The following ICE1 variants were observed in gnomAD, a reference collection of about 807,000 sequenced individuals.
ICE1 encodes interactor of little elongation complex ELL subunit 1.
In ICE1, 64 loss-of-function variants were observed where a neutral mutation model predicts 192.7. The ratio of observed to expected loss-of-function variants is 0.33; its 90% confidence interval spans 0.27 to 0.41. The LOEUF is 0.41. Ranked by LOEUF, ICE1 falls within the 10% of genes least tolerant of loss-of-function variation. The pLI is 1.00. For missense variants in ICE1, 2,708 were observed against 2,696.0 expected (o/e 1.00, Z -0.10); for synonymous variants, 1,010 against 984.5 (o/e 1.03, Z -0.49).
rs1411219498 is a variant in ICE1 at position 5,437,125 on chromosome 5, A to G, written c.178+11A>G. On this transcript the variant is annotated intron_variant, in intron 3 of 18. Transcript: ENST00000296564. The stretch of plus-strand genomic sequence containing the variant: ...AGAAGAAATGTGATGATATCCTTTT[A>G]CTGGCTTTTTCTGTTGAGTTTTGGA... 1 of 1,532,660 alleles carries G rather than the reference A, an allele frequency of 6.5e-7. No individual in the cohort carries two copies. The highest frequency in any genetic ancestry group is 2.4e-5 in the East Asian group (1 of 42,538). 94.9% of individuals were successfully genotyped at this position (1,532,660 alleles called of 1,614,324 possible). A position where few individuals can be genotyped will look rare whatever the true frequency, so the allele number is the denominator to read the frequency against.
At chr5:5,477,516 G>A (rs976624948) in intron 17 of ICE1, among the ~76,000 whole-genome samples, 3 of 152,134 alleles carry the variant, frequency 2.0e-5, no homozygotes, top group African/African-American at 7.2e-5. Context: ...AACCAAAAAA[G>A]CCCAGAACCA....
intron 17 of ICE1, among the ~76,000 whole-genome samples, chr5:5,480,575 A>T (rs1195883978): frequency 6.6e-6 from 1 of 152,196 alleles, no homozygotes; most frequent in Non-Finnish European, 1.5e-5. Flanking sequence ...ACTCACAGAT[A>T]GCATCATTTG....
At position 5,485,734 on chromosome 5, in the gene ICE1, T is replaced by C. The variant is rs571752904; in HGVS notation, c.6521-987T>C. ...AATTGATTGACATAGATCTTCGAAA[T>C]GCCAACAATACCCAAAAATCACATT... is the stretch of plus-strand genomic sequence containing the variant. On this transcript the variant is annotated intron_variant, in intron 17 of 18. Coordinates refer to ENST00000296564, the MANE Select transcript of ICE1 (RefSeq NM_015325.3). Among the ~76,000 whole-genome samples, 36 of 152,366 alleles carry C rather than the reference T, an allele frequency of 2.4e-4. No homozygotes were observed. The South Asian group carries it at 6.4e-3, about 27-fold the overall frequency.
intron 3 of ICE1, among the ~76,000 whole-genome samples, chr5:5,438,688 A>T (rs2111344306): frequency 6.6e-6 from 1 of 152,344 alleles, no homozygotes; most frequent in East Asian, 1.9e-4. Context: ...TAACTTATAC[A>T]TGTAACCTAG....
At chr5:5,440,057 C>A in intron 4 of ICE1, 144 bp downstream of exon 4, 1 of 470,234 alleles carries the variant, frequency 2.1e-6, no homozygotes, top group Non-Finnish European at 3.8e-6. Context: ...CTTTGATGCT[C>A]ATAATAAAAT....
intron 17 of ICE1, among the ~76,000 whole-genome samples, chr5:5,480,469 C>G (rs1164579582): frequency 2.0e-5 from 3 of 152,012 alleles, no homozygotes; most frequent in Non-Finnish European, 4.4e-5. Context: ...AGGATGGTCT[C>G]GATCTCCTGA....
intron 14 of ICE1, 33 bp from the exon 15 acceptor site, chr5:5,468,795 C>G: frequency 7.6e-7 from 1 of 1,315,164 alleles, no homozygotes; most frequent in African/African-American, 1.5e-5. Flanking sequence ...GATCATACAT[C>G]AAAGAGTTAT....
In ICE1 at chr5:5,465,211, T is replaced by C. The variant is rs1231969289; in HGVS notation, c.5877T>C (p.Phe1959=). 1.3e-6 allele frequency: 2 copies of C among 1,573,770 alleles called. No individual in the cohort carries two copies. The highest frequency in any genetic ancestry group is 1.7e-6 in the Non-Finnish European group (2 of 1,158,660). Residue 1959 remains phenylalanine, a synonymous_variant, in exon 13 of 19, where the codon TTT becomes TTC. Transcript: ENST00000296564. ...AAGAGAAGGAAGTTGTTTATGAATT[T>C]AGCACAACAAAAAAGGTATGTGGCT... is the stretch of plus-strand genomic sequence containing the variant. ...RDQEKEVVYE[F]STTKKHLAEC...
In ICE1 at chr5:5,465,051, A is replaced by C. The variant is rs746579393; in HGVS notation, c.5717A>C (p.Glu1906Ala). 8 of 1,613,880 alleles carry C rather than the reference A, an allele frequency of 5.0e-6. No individual in the cohort carries two copies. In the African/African-American group the frequency reaches 1.1e-4, roughly 22 times the overall value. ...AVSQLPLSPK[E>A]TVESHDKAIA... ...TCACAGTTGCCTTTAAGCCCAAAAGAAACTGTGGAGTCCCATGATAAAGCC... is the reference window on the plus strand; with the variant it reads ...TCACAGTTGCCTTTAAGCCCAAAAGCAACTGTGGAGTCCCATGATAAAGCC... Residue 1906 changes from glutamate (E) to alanine (A), a missense_variant, in exon 13 of 19, where the codon GAA (glutamate) becomes GCA (alanine). Coordinates refer to ENST00000296564, the MANE Select transcript of ICE1 (RefSeq NM_015325.3).
chr5:5,464,589 T>A lies in ICE1; in HGVS notation c.5255T>A (p.Leu1752His). 1 of 1,611,906 alleles carries A rather than the reference T, an allele frequency of 6.2e-7. No individual in the cohort carries two copies. Among genetic ancestry groups the A allele is most frequent in the Non-Finnish European group, 8.5e-7 (1 of 1,178,770 alleles). Residue 1752 changes from leucine to histidine, a missense_variant, in exon 13 of 19, where the codon CTT becomes CAT. Leu to His is a moderately conservative substitution (Grantham distance 99). Transcript: ENST00000296564. The surrounding 1 kb of genome is among the most constrained non-coding windows in gnomAD (Gnocchi z 4.0). The stretch of plus-strand genomic sequence containing the variant: ...CCTCAGGAGAATTCTGTGAAAATCC[T>A]TGACACCATGTATCCAGAGTTATCT... The part of the protein sequence containing the change: ...GGPQENSVKI[L>H]DTMYPELSAR...
At chr5:5,470,692 G>A (rs1306875950) in intron 15 of ICE1, among the ~76,000 whole-genome samples, 3 of 152,076 alleles carry the variant, frequency 2.0e-5, no homozygotes, top group African/African-American at 7.2e-5. Flanking sequence ...TTGGCCACAT[G>A]AAAACATTCA....
At position 5,489,403 on chromosome 5, in the gene ICE1, A is replaced by G. The variant is rs1579586731; in HGVS notation, c.*73A>G. 7.6e-6 allele frequency: 10 copies of G among 1,313,140 alleles called. No homozygotes were observed. Among genetic ancestry groups the G allele is most frequent in the Non-Finnish European group, 1.0e-5 (10 of 970,276 alleles). The allele number at this position is 1,313,140 out of a possible 1,614,324, so 81.3% of individuals were successfully genotyped here. A position where few individuals can be genotyped will look rare whatever the true frequency, so the allele number is the denominator to read the frequency against. On this transcript the variant is annotated 3_prime_UTR_variant, in exon 19 of 19. Transcript: ENST00000296564. ...ACAAATAGTTTGATCAGCTTTCAGAATACAAAGGGAGGTTTCAAAACAAAA... is the reference window on the plus strand; with the variant it reads ...ACAAATAGTTTGATCAGCTTTCAGAGTACAAAGGGAGGTTTCAAAACAAAA...
At chr5:5,450,365 C>T (rs1579553724) in intron 10 of ICE1, among the ~76,000 whole-genome samples, 1 of 152,090 alleles carries the variant, frequency 6.6e-6, no homozygotes, top group South Asian at 2.1e-4. Context: ...GAATCCTAGG[C>T]GGTTGAGAGC....
Position 5,461,601 on chromosome 5 carries a change from A to G in ICE1, c.2267A>G (p.Asp756Gly). 6.2e-7 allele frequency: 1 copy of G among 1,613,330 alleles called. No homozygotes were observed. Among genetic ancestry groups the G allele is most frequent in the Non-Finnish European group, 8.5e-7 (1 of 1,179,580 alleles). ...ATKDGQCESQ[D>G]PRIELTLNKP... ...AAAGATGGGCAATGTGAAAGTCAAG[A>G]TCCAAGAATTGAGCTCACACTAAAT... The change falls in exon 13 of 19, where the codon GAT becomes GGT. Residue 756 changes from aspartate (D) to glycine (G), a missense_variant. This residue lies in a region of ICE1 where 2,366 missense variants were observed against 2,276.6 expected (regional missense o/e 1.04). Coordinates refer to ENST00000296564, the MANE Select transcript of ICE1 (RefSeq NM_015325.3).
chr5:5,488,553 A>G (rs914932684), intron 18 of ICE1, among the ~76,000 whole-genome samples: 8 of 152,232 alleles, frequency 5.3e-5, no homozygotes, highest in African/African-American at 1.9e-4. Context: ...TTATCTAAGT[A>G]AATGAAATTT....
chr5:5,461,633 G>A lies in ICE1; in HGVS notation c.2299G>A (p.Asp767Asn), dbSNP rs1168165491. ...AATTGAGCTCACACTAAATAAGCCAGATTTCACATCATTAATAGGTTCTCA... is the reference window on the plus strand; with the variant it reads ...AATTGAGCTCACACTAAATAAGCCAAATTTCACATCATTAATAGGTTCTCA... ...PRIELTLNKP[D>N]FTSLIGSQAA... The change falls in exon 13 of 19, where the codon GAT becomes AAT. Residue 767 changes from aspartate to asparagine, a missense_variant. Physicochemically the swap from Asp to Asn is conservative, Grantham distance 23. This residue lies in a region of ICE1 where 2,366 missense variants were observed against 2,276.6 expected (regional missense o/e 1.04). Coordinates refer to ENST00000296564, the MANE Select transcript of ICE1 (RefSeq NM_015325.3). 1.2e-6 allele frequency: 2 copies of A among 1,613,494 alleles called. No homozygotes were observed. Among genetic ancestry groups the A allele is most frequent in the East Asian group, 2.2e-5 (1 of 44,880 alleles).
chr5:5,481,656 TA>T (rs1198498330), intron 17 of ICE1, among the ~76,000 whole-genome samples: 4 of 152,316 alleles, frequency 2.6e-5, no homozygotes, highest in South Asian at 4.1e-4. Flanking sequence ...ATGATTGCCA[TA>T]AATAAAATAG....
chr5:5,441,823 CTT>C (rs974906264), intron 5 of ICE1, among the ~76,000 whole-genome samples: 4 of 152,300 alleles, frequency 2.6e-5, no homozygotes, highest in African/African-American at 7.2e-5. Flanking sequence ...TAAAAAATCT[CTT>C]TTCATTTCTT....
intron 15 of ICE1, among the ~76,000 whole-genome samples, chr5:5,473,339 A>G (rs1287401702): frequency 2.0e-5 from 3 of 152,198 alleles, no homozygotes; most frequent in African/African-American, 7.2e-5. Context: ...TGGATCCTGC[A>G]TCCTGCCTAT....
Sources: gnomAD v4.1 joint callset for allele counts (sites outside exome capture counted in the v4.1 genomes callset) on GRCh38, gnomAD v4.1.1 for gene constraint, gnomAD v4.1.1 regional missense constraint, Gnocchi (gnomAD v3.1) non-coding constraint, MANE v1.5 for transcripts, NCBI Gene and HGNC (gene_info 2026-07-23, HGNC 2026-07-21) for gene names.